C16orf89: variants seen among roughly 807,000 people sequenced by gnomAD.
C16orf89 encodes chromosome 16 open reading frame 89, also known as UPF0764 protein C16orf89.
In C16orf89, 57 loss-of-function variants were observed where a neutral mutation model predicts 41.5. That is an observed-to-expected ratio of 1.38 (90% CI 1.11 to 1.71). The LOEUF (loss-of-function observed/expected upper bound fraction) is 1.71. Among genes scored for constraint, C16orf89 ranks in the 40% most tolerant of loss-of-function variants. The probability of loss-of-function intolerance (pLI) is 0.00; values close to 1 mark genes in which losing one functional copy is unlikely to be tolerated. For synonymous variants in C16orf89, 223 were observed against 190.6 expected, an observed-to-expected ratio of 1.17 and a Z score of -1.40; for missense variants, 575 against 445.9, an observed-to-expected ratio of 1.29 and a Z score of -2.61.
intron 1 of C16orf89, 67 bp downstream of exon 1, chr16:5,065,634 C>T: frequency 1.3e-6 from 2 of 1,500,872 alleles, no homozygotes; most frequent in South Asian, 2.5e-5. Context: ...GCGTACAGAG[C>T]AGGGCAGGGG....
rs748065832 is a variant in C16orf89, at chr16:5,056,081, G to A, written c.735C>T (p.Tyr245=). The change falls in exon 5 of 8, where the codon TAC becomes TAT. Residue 245 remains tyrosine (Y), a synonymous_variant. Coordinates refer to ENST00000472572, the MANE Select transcript of C16orf89 (RefSeq NM_001098514.3). ...NRRAEAIGYA[Y]PTRDIFMENI... Reference sequence around the variant, plus strand: ...TTTCCATGAAGATGTCCCGGGTAGGGTAGGCGTATCCGATGGCCTCAGCTC... The same window carrying A: ...TTTCCATGAAGATGTCCCGGGTAGGATAGGCGTATCCGATGGCCTCAGCTC... The A allele has an allele frequency of 1.3e-6, 2 of 1,597,784 alleles. No individual in the cohort carries two copies. Among genetic ancestry groups the A allele is most frequent in the South Asian group, 2.2e-5 (2 of 90,762 alleles).
intron 1 of C16orf89, among the ~76,000 whole-genome samples, chr16:5,063,922 T>G (rs1956680877): frequency 6.6e-6 from 1 of 151,402 alleles, no homozygotes; most frequent in Non-Finnish European, 1.5e-5. Context: ...AGTCCAGGAG[T>G]TCAAGACCAG....
At chr16:5,056,005 G>A (rs755407771) in intron 5 of C16orf89, 48 bp downstream of exon 5, 1 of 1,424,382 alleles carries the variant, frequency 7.0e-7, no homozygotes, top group Admixed American at 1.8e-5. Context: ...GTGTGTTGGT[G>A]GGGGGACACC....
chr16:5,045,364 C>CA (rs1567148996), intron 7 of C16orf89, among the ~76,000 whole-genome samples: 4 of 152,310 alleles, frequency 2.6e-5, no homozygotes. Context: ...CTCATGGAGT[C>CA]AGAGTCTCAG....
chr16:5,065,882 C>G lies in C16orf89; in HGVS notation c.27G>C (p.Leu9=). 2 of 1,614,010 alleles carry G rather than the reference C, an allele frequency of 1.2e-6. No homozygotes were observed. Among genetic ancestry groups the G allele is most frequent in the Non-Finnish European group, 1.7e-6 (2 of 1,179,974 alleles). MASLGLLL[L]LLLTALPPLW... ...GCGGTGGCAGTGCTGTCAGTAAGAG[C>G]AGGAGCAGCAGCCCCAGGCTGGCCA... is the stretch of plus-strand genomic sequence containing the variant. Residue 9 remains leucine (L), a synonymous_variant, in exon 1 of 8, where the codon CTG becomes CTC. Coordinates refer to ENST00000472572, the MANE Select transcript of C16orf89 (RefSeq NM_001098514.3).
At chr16:5,055,736 G>A in intron 5 of C16orf89, 1 of 1,535,212 alleles carries the variant, frequency 6.5e-7, no homozygotes, top group Non-Finnish European at 8.7e-7. Flanking sequence ...TTGGGGGCAG[G>A]AAACTGTCAC....
intron 6 of C16orf89, among the ~76,000 whole-genome samples, chr16:5,053,582 C>G (rs1201686837): frequency 7.3e-5 from 11 of 151,358 alleles, no homozygotes; most frequent in African/African-American, 2.7e-4. Flanking sequence ...GCTTTGTCAC[C>G]CAGGCTGAAG....
chr16:5,058,627 C>T lies in C16orf89; in HGVS notation c.510-17G>A, dbSNP rs1335849653. The T allele has an allele frequency of 1.3e-6, 2 of 1,587,906 alleles. No individual in the cohort carries two copies. Among genetic ancestry groups the T allele is most frequent in the South Asian group, 2.2e-5 (2 of 90,460 alleles). On this transcript the variant is annotated splice_polypyrimidine_tract_variant and intron_variant, in intron 3 of 7. Transcript: ENST00000472572. Reference sequence around the variant, plus strand: ...CTGTCCGTCCTGGGGGAAAGTGGTTCCAAGCTGTTAAGGATGGAGCGCTGA... The same window carrying T: ...CTGTCCGTCCTGGGGGAAAGTGGTTTCAAGCTGTTAAGGATGGAGCGCTGA...
chr16:5,049,449 T>C (rs750291225), intron 6 of C16orf89, among the ~76,000 whole-genome samples: 81 of 152,224 alleles, frequency 5.3e-4, no homozygotes, highest in Admixed American at 9.2e-4. Context: ...GACCATATGT[T>C]AGGCCAAAAA....
intron 4 of C16orf89, among the ~76,000 whole-genome samples, chr16:5,057,631 C>T (rs796727809): frequency 2.6e-5 from 4 of 151,694 alleles, no homozygotes; most frequent in African/African-American, 9.7e-5. Context: ...CTGGTTCAAG[C>T]GATTCTCCTG....
chr16:5,061,511 CAA>C (rs71139679), intron 2 of C16orf89, among the ~76,000 whole-genome samples: 12,533 of 71,070 alleles, frequency 0.18, 1,685 homozygotes, highest in East Asian at 0.58. Flanking sequence ...AAAACCCCCC[CAA>C]AAAAAAAAAC....
chr16:5,061,501 A>AAAAT, intron 2 of C16orf89, among the ~76,000 whole-genome samples: 1 of 88,924 alleles, frequency 1.1e-5, no homozygotes, highest in South Asian at 4.4e-4. Flanking sequence ...AAAAAAAAAA[A>AAAAT]AAACCCCCCC....
chr16:5,065,639 C>G, intron 1 of C16orf89, 62 bp downstream of exon 1: 1 of 1,517,514 alleles, frequency 6.6e-7, no homozygotes, highest in East Asian at 2.3e-5. Flanking sequence ...CAGAGCAGGG[C>G]AGGGGACAAA....
rs1313033690 is a variant in C16orf89 at position 5,044,430 on chromosome 16, C to A, written c.1004G>T (p.Gly335Val). 7.4e-6 allele frequency: 12 copies of A among 1,612,724 alleles called. No homozygotes were observed. Among genetic ancestry groups the A allele is most frequent in the African/African-American group, 1.3e-5 (1 of 74,866 alleles). ...GTATTCTGCCAGGATGTATAGGAAG[C>A]CACCCAGGGCTGCCACTGCTGTGGC... Reference protein sequence around the residue: ...NTATAVAALGGFLYILAEYPP... With the variant: ...NTATAVAALGVFLYILAEYPP... Residue 335 changes from glycine (G) to valine (V), a missense_variant, in exon 8 of 8, where the codon GGC becomes GTC. Coordinates refer to ENST00000472572, the MANE Select transcript of C16orf89 (RefSeq NM_001098514.3).
intron 6 of C16orf89, among the ~76,000 whole-genome samples, chr16:5,054,271 A>G (rs1000673057): frequency 2.6e-5 from 4 of 152,090 alleles, no homozygotes; most frequent in African/African-American, 9.7e-5. Flanking sequence ...TACTATGCTC[A>G]TTTATTTTCA....
At chr16:5,065,140 TTG>T (rs907446113) in intron 1 of C16orf89, among the ~76,000 whole-genome samples, 20 of 152,090 alleles carry the variant, frequency 1.3e-4, no homozygotes, top group Non-Finnish European at 2.8e-4. Context: ...GCATGTGTGC[TTG>T]TGTGTGTGTG....
intron 6 of C16orf89, among the ~76,000 whole-genome samples, chr16:5,049,462 A>C (rs1361296051): frequency 6.6e-6 from 1 of 152,240 alleles, no homozygotes; most frequent in Non-Finnish European, 1.5e-5. Context: ...GCCAAAAAAC[A>C]AGTCTCAGCA....
intron 5 of C16orf89, 30 bp from the exon 6 acceptor site, chr16:5,055,380 G>T: frequency 2.6e-6 from 4 of 1,546,862 alleles, no homozygotes; most frequent in Non-Finnish European, 3.5e-6. Context: ...CCCTCTGCAG[G>T]CCTGCCCCCC....
At chr16:5,055,020 G>A (rs1336690513) in intron 6 of C16orf89, among the ~76,000 whole-genome samples, 1 of 152,162 alleles carries the variant, frequency 6.6e-6, no homozygotes, top group Non-Finnish European at 1.5e-5. Flanking sequence ...AGCTGTAGGG[G>A]CCAACACCTT....
Sources: gnomAD v4.1 joint callset for allele counts (sites outside exome capture counted in the v4.1 genomes callset) on GRCh38, gnomAD v4.1.1 for gene constraint, MANE v1.5 for transcripts, NCBI Gene and HGNC (gene_info 2026-07-23, HGNC 2026-07-21) for gene names.